SSB: variants seen among roughly 807,000 people sequenced by gnomAD.
SSB encodes small RNA binding exonuclease protection factor La.
SSB carries 17 observed loss-of-function variants against 52.9 expected under a neutral mutation model. That is an observed-to-expected ratio of 0.32 (90% confidence interval 0.22 to 0.48). The LOEUF is 0.48. Ranked by LOEUF, SSB falls within the 20% of genes least tolerant of loss-of-function variation. The probability of loss-of-function intolerance (pLI) is 0.99; values close to 1 mark genes in which losing one functional copy is unlikely to be tolerated. For synonymous variants in SSB, 111 were observed against 152.1 expected (o/e 0.73, Z 1.99); for missense variants, 314 against 463.6 (o/e 0.68, Z 2.96).
Position 169,811,693 on chromosome 2 carries a change from AACAG to A in SSB, c.1168_1171del (p.Asp390LysfsTer30). The A allele has an allele frequency of 1.2e-6, 2 of 1,613,174 alleles. No homozygotes were observed. The highest frequency in any genetic ancestry group is 1.7e-6 in the Non-Finnish European group (2 of 1,179,574). ...GACCTGTGAAAAGAGCAAGAGAAGA[AACAG>A]ACAAAGAAGAACCTGCATCCAAACA... On this transcript the variant is annotated frameshift_variant, in exon 12 of 12. Transcript: ENST00000260956. LOFTEE classifies it high-confidence loss of function.
At chr2:169,811,577 T>C (rs911289723) in intron 11 of SSB, 91 bp from the exon 12 acceptor site, 34 of 1,513,246 alleles carry the variant, frequency 2.2e-5, no homozygotes, top group Non-Finnish European at 2.9e-5. Flanking sequence ...TTGCATCTTT[T>C]TCAACAGTAT....
At chr2:169,809,798 A>C (rs1032413789) in intron 8 of SSB, among the ~76,000 whole-genome samples, 2 of 150,494 alleles carry the variant, frequency 1.3e-5, no homozygotes, top group African/African-American at 2.4e-5. Flanking sequence ...ATTTTTTTTT[A>C]GCAGAGACGG....
intron 2 of SSB, among the ~76,000 whole-genome samples, chr2:169,802,799 C>T (rs1215647973): frequency 1.8e-4 from 27 of 152,216 alleles, no homozygotes; most frequent in Non-Finnish European, 5.9e-5. Flanking sequence ...ACATCCCCCA[C>T]CAGAGTGGTA....
Position 169,806,793 on chromosome 2 carries a change from C to T in SSB, c.354C>T (p.Phe118=), listed in dbSNP as rs1284817413. The stretch of plus-strand genomic sequence containing the variant: ...CTTCCCACTCTTCACAGAAAGGCTT[C>T]CCAACTGATGCAACTCTTGATGACA... ...VKNRSVYIKG[F]PTDATLDDIK... Residue 118 remains phenylalanine (F), a synonymous_variant, in exon 5 of 12, where the codon TTC becomes TTT. Transcript: ENST00000260956. The T allele has an allele frequency of 1.9e-6, 3 of 1,608,752 alleles. No homozygotes were observed. In the East Asian group the frequency reaches 6.7e-5, roughly 36 times the overall value.
At chr2:169,800,920 A>G in intron 1 of SSB, 32 bp from the exon 2 acceptor site, 1 of 1,499,526 alleles carries the variant, frequency 6.7e-7, no homozygotes, top group African/African-American at 1.4e-5. Flanking sequence ...TATATAAAAA[A>G]TAACTTTATG....
At chr2:169,803,256 A>C (rs540976486) in intron 2 of SSB, among the ~76,000 whole-genome samples, 1 of 151,840 alleles carries the variant, frequency 6.6e-6, no homozygotes, top group South Asian at 2.1e-4. Flanking sequence ...ACAGTACATT[A>C]TTTATTTATT....
At chr2:169,799,268 C>G (rs575093766) in intron 1 of SSB, 3 of 146,546 alleles carry the variant, frequency 2.0e-5, no homozygotes, top group South Asian at 4.4e-4. Flanking sequence ...TGCCCTCATC[C>G]CCATTGCGTC....
chr2:169,810,923 T>C lies in SSB; in HGVS notation c.876T>C (p.Gly292=). 1 of 1,613,518 alleles carries C rather than the reference T, an allele frequency of 6.2e-7. No homozygotes were observed. The highest frequency in any genetic ancestry group is 8.5e-7 in the Non-Finnish European group (1 of 1,179,700). The stretch of plus-strand genomic sequence containing the variant: ...GTAAAGCCAAAGATGCAAATAATGG[T>C]AACCTACAATTAAGGAACAAAGAAG... The part of the protein sequence containing the change: ...ALGKAKDANN[G]NLQLRNKEVT... Residue 292 remains glycine (G), a synonymous_variant, in exon 10 of 12, where the codon GGT becomes GGC. Transcript: ENST00000260956.
rs760494880 is a variant in SSB at position 169,808,446 on chromosome 2, C to A, written c.555-36C>A. On this transcript the variant is annotated intron_variant, in intron 6 of 11. Transcript: ENST00000260956. The stretch of plus-strand genomic sequence containing the variant: ...AATAATCTGCAGTCTTAACTTTGTT[C>A]TCGTGAACTTAGCCTCTGTACTGTG... 3.2e-6 allele frequency: 5 copies of A among 1,548,300 alleles called. No homozygotes were observed. The East Asian group carries it at 9.0e-5, about 28-fold the overall frequency.
At chr2:169,801,977 T>G (rs1337423648) in intron 2 of SSB, among the ~76,000 whole-genome samples, 1 of 151,926 alleles carries the variant, frequency 6.6e-6, no homozygotes, top group East Asian at 1.9e-4. Context: ...AGTCCAGGAG[T>G]TAGAGACCAG....
Position 169,811,976 on chromosome 2 carries a change from A to G in SSB, c.*220A>G. Reference sequence around the variant, plus strand: ...TCAGATGATTCAAATATCAAAAGGAAGATTCTTCCATTAAATTGCCTTTGT... The same window carrying G: ...TCAGATGATTCAAATATCAAAAGGAGGATTCTTCCATTAAATTGCCTTTGT... On this transcript the variant is annotated 3_prime_UTR_variant, in exon 12 of 12. Transcript: ENST00000260956. 7 of 1,179,770 alleles carry G rather than the reference A, an allele frequency of 5.9e-6. No homozygotes were observed. Among genetic ancestry groups the G allele is most frequent in the Non-Finnish European group, 8.4e-6 (7 of 830,796 alleles). The allele number at this position is 1,179,770 out of a possible 1,614,324, so 73.1% of individuals were successfully genotyped here.
At chr2:169,804,711 A>T (rs1025991542) in intron 2 of SSB, among the ~76,000 whole-genome samples, 1 of 151,974 alleles carries the variant, frequency 6.6e-6, no homozygotes, top group Non-Finnish European at 1.5e-5. Context: ...ATGTGCAGCT[A>T]ATTTTTGTAT....
At chr2:169,800,833 G>C in intron 1 of SSB, 119 bp from the exon 2 acceptor site, 2 of 689,908 alleles carry the variant, frequency 2.9e-6, no homozygotes, top group Non-Finnish European at 4.4e-6. Context: ...CTGAACCCGT[G>C]AAAATAGAAA....
chr2:169,802,248 T>C, intron 2 of SSB, among the ~76,000 whole-genome samples: 1 of 152,054 alleles, frequency 6.6e-6, no homozygotes, highest in Admixed American at 6.5e-5. Context: ...GGCTGCCTGA[T>C]TTGCAAATCG....
chr2:169,810,850 T>C lies in SSB; in HGVS notation c.811-8T>C. 1 of 1,585,776 alleles carries C rather than the reference T, an allele frequency of 6.3e-7. No individual in the cohort carries two copies. Among genetic ancestry groups the C allele is most frequent in the Non-Finnish European group, 8.5e-7 (1 of 1,171,920 alleles). ...GGGTATGGCTTTTGTTTTCTGTCTC[T>C]GGTATAGGGGATAATTCTATTTAAA... On this transcript the variant is annotated splice_region_variant and splice_polypyrimidine_tract_variant and intron_variant, in intron 9 of 11. Transcript: ENST00000260956.
chr2:169,802,384 G>A (rs952406483), intron 2 of SSB, among the ~76,000 whole-genome samples: 1 of 150,130 alleles, frequency 6.7e-6, no homozygotes, highest in Non-Finnish European at 1.5e-5. Context: ...ATATTGTTTG[G>A]TGTGGGGTTT....
At chr2:169,802,600 C>G (rs538640994) in intron 2 of SSB, among the ~76,000 whole-genome samples, 2 of 152,228 alleles carry the variant, frequency 1.3e-5, no homozygotes, top group Non-Finnish European at 2.9e-5. Flanking sequence ...TGCTAACTCT[C>G]AAATCCTACT....
At chr2:169,803,044 A>AT (rs1689744573) in intron 2 of SSB, among the ~76,000 whole-genome samples, 1 of 152,170 alleles carries the variant, frequency 6.6e-6, no homozygotes, top group African/African-American at 2.4e-5. Context: ...TGGCTCAAGG[A>AT]TTATGCACAT....
At position 169,808,656 on chromosome 2, in the gene SSB, GCTAGTGAAACAC is replaced by G; in HGVS notation, c.626+104_626+115del. The G allele has an allele frequency of 3.4e-6, 4 of 1,162,714 alleles. No homozygotes were observed. In the Middle Eastern group the frequency reaches 1.2e-3, roughly 340 times the overall value. 72.0% of individuals were successfully genotyped at this position (1,162,714 alleles called of 1,614,324 possible). On this transcript the variant is annotated intron_variant, in intron 7 of 11. Transcript: ENST00000260956. ...ATAGTGGCAGTAGACCTTTCTCTTT[GCTAGTGAAACAC>G]TGAGATCTTAAGCTGCCTTGACAAT...
Sources: allele counts gnomAD v4.1 joint callset (sites outside exome capture counted in the v4.1 genomes callset), GRCh38; gene constraint gnomAD v4.1.1; transcripts MANE v1.5; gene names NCBI Gene and HGNC (gene_info 2026-07-23, HGNC 2026-07-21).